ACSM1: variants seen among roughly 807,000 people sequenced by gnomAD.
ACSM1 encodes acyl-CoA synthetase medium chain family member 1.
Under a neutral mutation model 75.8 loss-of-function variants are expected in ACSM1, and 79 were observed. The observed-to-expected ratio is 1.04, with a 90% CI of 0.87 to 1.26. ACSM1 has a LOEUF of 1.26. ACSM1 is among the 50% of genes most tolerant of loss of function. The pLI, the probability that ACSM1 is intolerant of heterozygous loss-of-function variation, is 0.00. For synonymous variants in ACSM1, 279 were observed against 265.8 expected (o/e 1.05, Z -0.48); for missense variants, 676 against 720.1 (o/e 0.94, Z 0.70).
rs776491132 is a variant in ACSM1 at position 20,691,031 on chromosome 16, C to T, written c.158G>A (p.Ser53Asn). The change falls in exon 2 of 14, where the codon AGT (serine) becomes AAT (asparagine). Residue 53 changes from serine to asparagine, a missense_variant. Transcript: ENST00000520010. ...YEVPEEFNFASYVLDYWAQKE... is the reference protein window; with the variant it reads ...YEVPEEFNFANYVLDYWAQKE... The stretch of plus-strand genomic sequence containing the variant: ...TTGAGCCCAGTAGTCCAGTACATAA[C>T]TTGCAAAGTTAAATTCCTCCGGTAC... 6.2e-7 allele frequency: 1 copy of T among 1,613,656 alleles called. No homozygotes were observed. Among genetic ancestry groups the T allele is most frequent in the Non-Finnish European group, 8.5e-7 (1 of 1,179,828 alleles).
intron 2 of ACSM1, among the ~76,000 whole-genome samples, chr16:20,687,525 T>G (rs1342570578): frequency 6.6e-6 from 1 of 152,026 alleles, no homozygotes; most frequent in Non-Finnish European, 1.5e-5. Flanking sequence ...GGGGGCTGCT[T>G]TTTTCAAATG....
chr16:20,687,747 G>A (rs1450382925), intron 2 of ACSM1, among the ~76,000 whole-genome samples: 1 of 151,890 alleles, frequency 6.6e-6, no homozygotes, highest in Non-Finnish European at 1.5e-5. Context: ...AACTATATAT[G>A]AACAAAATAA....
chr16:20,660,216 A>G (rs1596872948), intron 7 of ACSM1, among the ~76,000 whole-genome samples: 1 of 152,186 alleles, frequency 6.6e-6, no homozygotes, highest in African/African-American at 2.4e-5. Context: ...TTTCCCATGA[A>G]ATTTTCCCAA....
intron 7 of ACSM1, among the ~76,000 whole-genome samples, chr16:20,652,955 G>C (rs893543683): frequency 2.3e-4 from 35 of 152,222 alleles, no homozygotes; most frequent in Non-Finnish European, 4.0e-4. Flanking sequence ...AACCAAAAAA[G>C]AGAATTTTAG....
At chr16:20,632,479 C>G (rs1048902459) in intron 10 of ACSM1, among the ~76,000 whole-genome samples, 1 of 152,104 alleles carries the variant, frequency 6.6e-6, no homozygotes, top group Non-Finnish European at 1.5e-5. Flanking sequence ...CTACCAAAAA[C>G]AGGAGTCACA....
intron 12 of ACSM1, 110 bp from the exon 13 acceptor site, chr16:20,624,325 G>T: frequency 7.6e-7 from 1 of 1,316,386 alleles, no homozygotes; most frequent in Non-Finnish European, 1.0e-6. Context: ...ACCCTACAGT[G>T]TTTTGGAAAA....
chr16:20,690,566 A>T (rs1596477075), intron 2 of ACSM1, among the ~76,000 whole-genome samples: 1 of 152,312 alleles, frequency 6.6e-6, no homozygotes, highest in Non-Finnish European at 1.5e-5. Flanking sequence ...GTGCACATTC[A>T]GGTGGTCTAT....
intron 5 of ACSM1, among the ~76,000 whole-genome samples, chr16:20,670,551 T>C (rs964990235): frequency 2.0e-5 from 3 of 152,190 alleles, no homozygotes; most frequent in Non-Finnish European, 2.9e-5. Context: ...TAAAAAACTT[T>C]CAATATCTCC....
At chr16:20,662,769 C>T (rs2019363200) in intron 6 of ACSM1, among the ~76,000 whole-genome samples, 1 of 152,146 alleles carries the variant, frequency 6.6e-6, no homozygotes, top group Admixed American at 6.6e-5. Flanking sequence ...TAGCCTCTAT[C>T]TCTTTAATAT....
chr16:20,645,399 G>A (rs893195678), intron 7 of ACSM1, among the ~76,000 whole-genome samples: 1 of 152,158 alleles, frequency 6.6e-6, no homozygotes, highest in Admixed American at 6.5e-5. Flanking sequence ...ACACCCCTAA[G>A]ATGTATTCTG....
intron 7 of ACSM1, among the ~76,000 whole-genome samples, chr16:20,653,939 A>G (rs1005943653): frequency 6.6e-6 from 1 of 152,188 alleles, no homozygotes; most frequent in Non-Finnish European, 1.5e-5. Flanking sequence ...AAGAGCCTGC[A>G]TTGTCAAGGC....
intron 4 of ACSM1, chr16:20,679,965 A>T (rs1220406323): frequency 1.3e-5 from 2 of 151,220 alleles, no homozygotes; most frequent in Admixed American, 6.6e-5. Flanking sequence ...TCACAATCCT[A>T]AAAAAAAACA....
At chr16:20,635,628 C>A (rs193067531) in intron 10 of ACSM1, among the ~76,000 whole-genome samples, 17,800 of 134,326 alleles carry the variant, frequency 0.13, 1,691 homozygotes, top group East Asian at 0.5. Flanking sequence ...TTCTTTCTTT[C>A]TTTCTTTCTT....
intron 1 of ACSM1, 156 bp from the exon 2 acceptor site, chr16:20,691,395 C>T (rs1368062871): frequency 1.4e-5 from 7 of 502,732 alleles, no homozygotes; most frequent in Non-Finnish European, 2.4e-5. Flanking sequence ...ATTTATCTTC[C>T]CAGCTGAGGA....
chr16:20,642,085 T>C (rs1012844926), intron 7 of ACSM1, among the ~76,000 whole-genome samples: 2 of 152,162 alleles, frequency 1.3e-5, no homozygotes, highest in Non-Finnish European at 2.9e-5. Context: ...GTTGGATGAA[T>C]GGGAGAGAAA....
At chr16:20,624,737 C>A (rs544575905) in intron 12 of ACSM1, among the ~76,000 whole-genome samples, 1 of 152,002 alleles carries the variant, frequency 6.6e-6, no homozygotes, top group African/African-American at 2.4e-5. Flanking sequence ...TCTTGTCGCC[C>A]AGACTGGCGT....
At chr16:20,638,131 C>A (rs1402989626) in intron 8 of ACSM1, among the ~76,000 whole-genome samples, 1 of 152,190 alleles carries the variant, frequency 6.6e-6, no homozygotes, top group East Asian at 1.9e-4. Flanking sequence ...GCGTGCTTTA[C>A]ATTCAGACCA....
chr16:20,636,143 C>G (rs2017692984), intron 10 of ACSM1, among the ~76,000 whole-genome samples: 1 of 152,176 alleles, frequency 6.6e-6, no homozygotes, highest in African/African-American at 2.4e-5. Flanking sequence ...ATTTCAGGGT[C>G]TGGTCATCCT....
At chr16:20,696,798 G>A (rs934418671) in intron 1 of ACSM1, among the ~76,000 whole-genome samples, 3 of 152,212 alleles carry the variant, frequency 2.0e-5, no homozygotes, top group Non-Finnish European at 4.4e-5. Flanking sequence ...ACTTGGGACT[G>A]ATAAAGCTAT....
Sources: allele counts gnomAD v4.1 joint callset (sites outside exome capture counted in the v4.1 genomes callset), GRCh38; gene constraint gnomAD v4.1.1; transcripts MANE v1.5; gene names NCBI Gene and HGNC (gene_info 2026-07-23, HGNC 2026-07-21).